Variants in RAPGEF2 observed in about 807,000 individuals in gnomAD.
RAPGEF2 encodes the protein Rap guanine nucleotide exchange factor 2, also known as PDZ domain containing guanine nucleotide exchange factor (GEF) 1.
Under a neutral mutation model 186.7 loss-of-function variants are expected in RAPGEF2, and 54 were observed. The ratio of observed to expected loss-of-function variants is 0.29; its 90% CI spans 0.23 to 0.36. The LOEUF (loss-of-function observed/expected upper bound fraction) is 0.36, where lower values mean the gene tolerates loss of function less well. Among genes scored for constraint, RAPGEF2 ranks in the 10% least tolerant of loss-of-function variants. The pLI is 1.00. For synonymous variants in RAPGEF2, 712 were observed against 705.9 expected, an observed-to-expected ratio of 1.01 and a Z score of -0.14; for missense variants, 1,532 against 2,045.0, an observed-to-expected ratio of 0.75 and a Z score of 4.84.
rs898879643 is a variant in RAPGEF2 at position 159,358,387 on chromosome 4, C to T, written c.*248C>T. 1 of 426,984 alleles carries T rather than the reference C, an allele frequency of 2.3e-6. No individual in the cohort carries two copies. Among genetic ancestry groups the T allele is most frequent in the African/African-American group, 2.0e-5 (1 of 49,616 alleles). 26.4% of individuals were successfully genotyped at this position (426,984 alleles called of 1,614,324 possible). A position where few individuals can be genotyped will look rare whatever the true frequency, so the allele number is the denominator to read the frequency against. On this transcript the variant is annotated 3_prime_UTR_variant, in exon 30 of 30. Coordinates refer to ENST00000691494, the MANE Select transcript of RAPGEF2 (RefSeq NM_001394067.2). Reference sequence around the variant, plus strand: ...TTGAAATGCACAGTGCAGCAATCTTCGAGCTCCCACTGTTGCTGCCTGCCA... The same window carrying T: ...TTGAAATGCACAGTGCAGCAATCTTTGAGCTCCCACTGTTGCTGCCTGCCA...
At chr4:159,153,738 T>G (rs979672520) in intron 1 of RAPGEF2, among the ~76,000 whole-genome samples, 3 of 152,222 alleles carry the variant, frequency 2.0e-5, no homozygotes, top group African/African-American at 4.8e-5. Flanking sequence ...GAATCTTTGC[T>G]GTTTCTTTGA....
intron 1 of RAPGEF2, among the ~76,000 whole-genome samples, chr4:159,162,219 T>C (rs1283378846): frequency 8.8e-6 from 1 of 114,186 alleles, no homozygotes; most frequent in Non-Finnish European, 1.7e-5. Context: ...ACTGTGTTTC[T>C]TCAAAAAAAA....
chr4:159,332,740 T>G (rs769977074), intron 17 of RAPGEF2, 43 bp downstream of exon 17: 1 of 1,591,658 alleles, frequency 6.3e-7, no homozygotes, highest in South Asian at 1.1e-5. Flanking sequence ...TTTATTTTGT[T>G]AAAATGATAT....
At chr4:159,113,740 CAAA>C (rs11311075) in intron 1 of RAPGEF2, among the ~76,000 whole-genome samples, 15 of 86,602 alleles carry the variant, frequency 1.7e-4, no homozygotes, top group African/African-American at 2.2e-4. Context: ...GACTCTGTCT[CAAA>C]AAAAAAAAAA....
intron 7 of RAPGEF2, among the ~76,000 whole-genome samples, chr4:159,276,650 GTAT>G (rs1191695044): frequency 2.0e-5 from 3 of 152,088 alleles, no homozygotes; most frequent in African/African-American, 4.8e-5. Flanking sequence ...CCTTTGCACT[GTAT>G]ATAGTGAACC....
chr4:159,322,294 C>T, intron 9 of RAPGEF2, 53 bp from the exon 10 acceptor site: 1 of 1,547,302 alleles, frequency 6.5e-7, no homozygotes, highest in Non-Finnish European at 8.9e-7. Flanking sequence ...TTTTTGAATA[C>T]TTGTTTTTAA....
intron 7 of RAPGEF2, among the ~76,000 whole-genome samples, chr4:159,262,583 G>A (rs964354834): frequency 2.0e-5 from 3 of 152,122 alleles, no homozygotes; most frequent in East Asian, 1.9e-4. Context: ...AAGTCTGCCC[G>A]TTTTTCAAGT....
At chr4:159,164,210 T>C (rs2111227934) in intron 1 of RAPGEF2, among the ~76,000 whole-genome samples, 1 of 151,928 alleles carries the variant, frequency 6.6e-6, no homozygotes, top group Non-Finnish European at 1.5e-5. Flanking sequence ...TTCACCGTGT[T>C]AGCCAGGATG....
chr4:159,258,642 G>T (rs996871443), intron 7 of RAPGEF2, among the ~76,000 whole-genome samples: 2 of 152,074 alleles, frequency 1.3e-5, no homozygotes, highest in Non-Finnish European at 2.9e-5. Context: ...AAATAAAAAT[G>T]TATTTGTTAA....
chr4:159,189,396 T>G (rs1747883036), intron 2 of RAPGEF2, among the ~76,000 whole-genome samples: 1 of 152,216 alleles, frequency 6.6e-6, no homozygotes, highest in Admixed American at 6.5e-5. Context: ...TGTTTCTTCA[T>G]CATTTTAACT....
intron 1 of RAPGEF2, among the ~76,000 whole-genome samples, chr4:159,169,012 T>G (rs1292262373): frequency 6.6e-6 from 1 of 152,250 alleles, no homozygotes. Flanking sequence ...TTTTATCTAT[T>G]CTAGCAAACT....
chr4:159,180,939 A>G (rs1746945643), intron 1 of RAPGEF2, among the ~76,000 whole-genome samples: 1 of 152,252 alleles, frequency 6.6e-6, no homozygotes, highest in Admixed American at 6.5e-5. Flanking sequence ...TTTATTAACT[A>G]ATCAACAATC....
intron 7 of RAPGEF2, among the ~76,000 whole-genome samples, chr4:159,280,153 C>T (rs1759498614): frequency 6.6e-6 from 1 of 152,124 alleles, no homozygotes; most frequent in South Asian, 2.1e-4. Flanking sequence ...GATATGATTG[C>T]TCTCTTAATT....
chr4:159,134,829 A>T (rs1741538177), intron 1 of RAPGEF2, among the ~76,000 whole-genome samples: 2 of 152,214 alleles, frequency 1.3e-5, no homozygotes, highest in African/African-American at 4.8e-5. Context: ...AGGACATTTT[A>T]TCAACCTCAA....
At position 159,358,122 on chromosome 4, in the gene RAPGEF2, C is replaced by T; in HGVS notation, c.4966C>T (p.Gln1656Ter). 6.2e-7 allele frequency: 1 copy of T among 1,612,048 alleles called. No individual in the cohort carries two copies. The highest frequency in any genetic ancestry group is 8.5e-7 in the Non-Finnish European group (1 of 1,179,206). The change falls in exon 30 of 30, where the codon CAA becomes TAA. Residue 1656 changes from glutamine to a stop codon, truncating the protein, a stop_gained. Transcript: ENST00000691494. LOFTEE classifies it high-confidence loss of function. The stretch of plus-strand genomic sequence containing the variant: ...CCCTGCTGTATTTGCAGAAGATGAA[C>T]AAGTTTCTGCTGTTTGAGGCACAGA... ...GFSTEEDEDE[Q>*]VSAV
chr4:159,152,840 C>T (rs998426911), intron 1 of RAPGEF2, among the ~76,000 whole-genome samples: 9 of 152,124 alleles, frequency 5.9e-5, no homozygotes, highest in Non-Finnish European at 1.3e-4. Flanking sequence ...AGGATGGTCT[C>T]GATCTCCTGA....
intron 4 of RAPGEF2, among the ~76,000 whole-genome samples, chr4:159,220,827 TTC>T (rs2111402552): frequency 6.6e-6 from 1 of 152,356 alleles, no homozygotes; most frequent in African/African-American, 2.4e-5. Context: ...GTTTGCTAAA[TTC>T]TGTTGGGTCA....
chr4:159,236,291 G>A (rs1753247065), intron 4 of RAPGEF2, among the ~76,000 whole-genome samples: 1 of 152,156 alleles, frequency 6.6e-6, no homozygotes, highest in African/African-American at 2.4e-5. Flanking sequence ...CACATTTTAG[G>A]AAATGTAAAC....
chr4:159,308,946 A>G (rs1763629551), intron 8 of RAPGEF2, among the ~76,000 whole-genome samples: 1 of 152,106 alleles, frequency 6.6e-6, no homozygotes, highest in African/African-American at 2.4e-5. Context: ...GTAGGAGAAC[A>G]AATTGACCAG....
Sources: gnomAD v4.1 joint callset for allele counts (sites outside exome capture counted in the v4.1 genomes callset) on GRCh38, gnomAD v4.1.1 for gene constraint, MANE v1.5 for transcripts, NCBI Gene and HGNC (gene_info 2026-07-23, HGNC 2026-07-21) for gene names.